The following PLPP4 variants were observed in gnomAD, a reference collection of about 807,000 sequenced individuals.
PLPP4 encodes the protein phospholipid phosphatase 4.
In PLPP4, 20 loss-of-function variants were observed where a neutral mutation model predicts 32.2. The ratio of observed to expected loss-of-function variants is 0.62; its 90% CI spans 0.44 to 0.90. The LOEUF is 0.90. PLPP4 is among the 40% of genes least tolerant of loss of function. The pLI is 0.00. For missense variants in PLPP4, 257 were observed against 353.1 expected, an observed-to-expected ratio of 0.73 and a Z score of 2.18; for synonymous variants, 127 against 133.0, an observed-to-expected ratio of 0.95 and a Z score of 0.31.
At chr10:120,587,552 C>CAATA (rs1849819044) in intron 6 of PLPP4, 1 of 152,162 alleles carries the variant, frequency 6.6e-6, no homozygotes, top group Non-Finnish European at 1.5e-5. Flanking sequence ...TCATGTTTAA[C>CAATA]TATTAGCTTC....
intron 5 of PLPP4, among the ~76,000 whole-genome samples, chr10:120,551,202 T>C (rs1239133088): frequency 6.6e-6 from 1 of 152,144 alleles, no homozygotes; most frequent in Non-Finnish European, 1.5e-5. Context: ...ACAATTAGAA[T>C]AGCTAAATTC....
At chr10:120,530,512 A>G (rs1204944706) in intron 5 of PLPP4, among the ~76,000 whole-genome samples, 1 of 152,112 alleles carries the variant, frequency 6.6e-6, no homozygotes, top group Admixed American at 6.6e-5. Context: ...GTTGAAATGT[A>G]TTTCACTATA....
At chr10:120,459,556 A>G (rs1370318686) in intron 1 of PLPP4, among the ~76,000 whole-genome samples, 1 of 152,182 alleles carries the variant, frequency 6.6e-6, no homozygotes, top group East Asian at 1.9e-4. Flanking sequence ...AATGATGGCA[A>G]TATTGGGTTG....
chr10:120,472,257 A>G (rs1019773429), intron 1 of PLPP4, among the ~76,000 whole-genome samples: 1 of 152,072 alleles, frequency 6.6e-6, no homozygotes, highest in Non-Finnish European at 1.5e-5. Flanking sequence ...AGCATTTCTT[A>G]TAATGCAGAT....
At chr10:120,487,998 C>T (rs1844540247) in intron 1 of PLPP4, among the ~76,000 whole-genome samples, 1 of 152,102 alleles carries the variant, frequency 6.6e-6, no homozygotes, top group African/African-American at 2.4e-5. Context: ...GGATGGAGAC[C>T]ATGATGAGAA....
chr10:120,512,012 TG>T (rs1400776478), intron 2 of PLPP4, among the ~76,000 whole-genome samples: 3 of 151,984 alleles, frequency 2.0e-5, no homozygotes, highest in Non-Finnish European at 4.4e-5. Context: ...GAGAATGGCG[TG>T]AACCCAGGAG....
intron 5 of PLPP4, among the ~76,000 whole-genome samples, chr10:120,528,792 G>C (rs1846553191): frequency 6.6e-6 from 1 of 151,872 alleles, no homozygotes; most frequent in African/African-American, 2.4e-5. Context: ...TTTTTGTTTT[G>C]TTTTGTTTTT....
chr10:120,487,044 A>G (rs75539502), intron 1 of PLPP4, among the ~76,000 whole-genome samples: 3,007 of 152,366 alleles, frequency 0.02, 103 homozygotes, highest in East Asian at 0.16. Context: ...ACGAGGAGGA[A>G]GATGGGGCAG....
At chr10:120,472,172 A>G (rs541790246) in intron 1 of PLPP4, among the ~76,000 whole-genome samples, 3 of 152,194 alleles carry the variant, frequency 2.0e-5, no homozygotes, top group East Asian at 1.9e-4. Flanking sequence ...ATCATTCTCA[A>G]TGTTCTTTAT....
At chr10:120,563,195 C>T (rs1039570900) in intron 5 of PLPP4, among the ~76,000 whole-genome samples, 3 of 152,096 alleles carry the variant, frequency 2.0e-5, no homozygotes, top group Admixed American at 6.5e-5. Flanking sequence ...GCGGAGATCG[C>T]GCCACTGCAC....
rs185014537 is a variant in PLPP4, at chr10:120,590,294, C to T, written c.*792C>T. On this transcript the variant is annotated 3_prime_UTR_variant, in exon 7 of 7. Coordinates refer to ENST00000398250, the MANE Select transcript of PLPP4 (RefSeq NM_001030059.3). The stretch of plus-strand genomic sequence containing the variant: ...GGCACGGGGGCTTTACTTGGCTCTT[C>T]TGCAAGAAGTGATGTGACCGATCTC... Among the ~76,000 whole-genome samples, 1 of 152,332 alleles carries T rather than the reference C, an allele frequency of 6.6e-6. No individual in the cohort carries two copies. The highest frequency in any genetic ancestry group is 1.9e-4 in the East Asian group (1 of 5,186).
chr10:120,579,448 A>G (rs1227100111), intron 6 of PLPP4, among the ~76,000 whole-genome samples: 1 of 152,108 alleles, frequency 6.6e-6, no homozygotes, highest in Non-Finnish European at 1.5e-5. Flanking sequence ...GCTTTCCCAG[A>G]CTGGGCTGTG....
chr10:120,497,840 A>G (rs1202167512), intron 1 of PLPP4, among the ~76,000 whole-genome samples: 2 of 152,120 alleles, frequency 1.3e-5, no homozygotes, highest in Non-Finnish European at 2.9e-5. Context: ...GGGGATCGAG[A>G]CCATCCTGGC....
chr10:120,531,549 A>G (rs7075403), intron 5 of PLPP4, among the ~76,000 whole-genome samples: 2,410 of 152,198 alleles, frequency 0.016, 66 homozygotes, highest in African/African-American at 0.055. Flanking sequence ...ATCTGTCTCC[A>G]TATGTTTTCT....
chr10:120,490,572 T>C (rs540797058), intron 1 of PLPP4, among the ~76,000 whole-genome samples: 4 of 152,326 alleles, frequency 2.6e-5, no homozygotes, highest in Admixed American at 2.6e-4. Context: ...GCCTCTCTTC[T>C]AATCATGGGC....
Position 120,590,495 on chromosome 10 carries a change from T to C in PLPP4, c.*993T>C, listed in dbSNP as rs1849961579. Among the ~76,000 whole-genome samples, 1 of 152,186 alleles carries C rather than the reference T, an allele frequency of 6.6e-6. No individual in the cohort carries two copies. On this transcript the variant is annotated 3_prime_UTR_variant, in exon 7 of 7. Transcript: ENST00000398250. ...GTTCCTGTTCCTATCTAGCTGGCAA[T>C]ATTTCAGCATGATAGGACTCTGGTA...
intron 1 of PLPP4, among the ~76,000 whole-genome samples, chr10:120,465,650 G>C (rs1848275310): frequency 6.6e-6 from 1 of 152,120 alleles, no homozygotes. Context: ...ATATTTGAGT[G>C]TTTTGACCTA....
intron 5 of PLPP4, among the ~76,000 whole-genome samples, chr10:120,525,194 G>C (rs1846335698): frequency 6.6e-6 from 1 of 152,084 alleles, no homozygotes; most frequent in Admixed American, 6.5e-5. Context: ...AGAGAAACAT[G>C]GCCCACAAAA....
intron 2 of PLPP4, among the ~76,000 whole-genome samples, chr10:120,508,036 C>T (rs1845576906): frequency 6.6e-6 from 1 of 152,148 alleles, no homozygotes; most frequent in African/African-American, 2.4e-5. Context: ...CTATTCTTTG[C>T]CCTCTTCTCT....
Sources: allele counts gnomAD v4.1 joint callset (sites outside exome capture counted in the v4.1 genomes callset), GRCh38; gene constraint gnomAD v4.1.1; transcripts MANE v1.5; gene names NCBI Gene and HGNC (gene_info 2026-07-23, HGNC 2026-07-21).